PDLIM5: variants seen among roughly 807,000 people sequenced by gnomAD.
The protein encoded by PDLIM5 is PDZ and LIM domain protein 5.
PDLIM5 carries 34 observed loss-of-function variants against 64.2 expected under a neutral mutation model. That is an observed-to-expected ratio of 0.53 (90% CI 0.40 to 0.71). PDLIM5 has a LOEUF of 0.71. Ranked by LOEUF, PDLIM5 falls within the 30% of genes least tolerant of loss-of-function variation. PDLIM5 has a pLI of 0.00. For synonymous variants in PDLIM5, 253 were observed against 269.1 expected, an observed-to-expected ratio of 0.94 and a Z score of 0.59; for missense variants, 683 against 733.6, an observed-to-expected ratio of 0.93 and a Z score of 0.80.
rs372012549 is a variant in PDLIM5 at position 94,664,101 on chromosome 4, A to G, written c.*34A>G. 2.0e-5 allele frequency: 30 copies of G among 1,485,552 alleles called. No homozygotes were observed. In the African/African-American group the frequency reaches 4.0e-4, roughly 20 times the overall value. The allele number at this position is 1,485,552 out of a possible 1,614,324, so 92.0% of individuals were successfully genotyped here. ...AGTTCAGGAGAAGAGAAGGAATTTG[A>G]AGAGAAAAAGGAAAATTAAAATTAC... On this transcript the variant is annotated 3_prime_UTR_variant, in exon 13 of 13. Coordinates refer to ENST00000317968, the MANE Select transcript of PDLIM5 (RefSeq NM_006457.5).
chr4:94,502,043 T>C (rs1727974206), intron 2 of PDLIM5, among the ~76,000 whole-genome samples: 1 of 152,152 alleles, frequency 6.6e-6, no homozygotes, highest in African/African-American at 2.4e-5. Flanking sequence ...GTTTCCTTCT[T>C]TTTCTTCATT....
chr4:94,654,588 A>C lies in PDLIM5; in HGVS notation c.1412A>C (p.Tyr471Ser). 1.9e-6 allele frequency: 3 copies of C among 1,613,046 alleles called. No individual in the cohort carries two copies. Among genetic ancestry groups the C allele is most frequent in the Non-Finnish European group, 2.5e-6 (3 of 1,178,998 alleles). Residue 471 changes from tyrosine (Y) to serine (S), a missense_variant, in exon 10 of 13, where the codon TAT becomes TCT. Coordinates refer to ENST00000317968, the MANE Select transcript of PDLIM5 (RefSeq NM_006457.5). ...EKGALYCELCYEKFFAPECGR... is the reference protein window; with the variant it reads ...EKGALYCELCSEKFFAPECGR... ...GGAGCCCTGTATTGTGAGCTGTGCT[A>C]TGAGAAATTCTTTGCCCCTGAATGT...
intron 3 of PDLIM5, among the ~76,000 whole-genome samples, chr4:94,538,895 A>G (rs1203557513): frequency 1.3e-5 from 2 of 152,192 alleles, no homozygotes; most frequent in Non-Finnish European, 2.9e-5. Flanking sequence ...TGTTGATGTA[A>G]TGACAGATTG....
intron 2 of PDLIM5, among the ~76,000 whole-genome samples, chr4:94,467,529 G>C (rs1450890248): frequency 2.6e-5 from 4 of 152,020 alleles, no homozygotes; most frequent in African/African-American, 9.7e-5. Context: ...GGCCAGGCTG[G>C]TCTTGAACTC....
intron 3 of PDLIM5, among the ~76,000 whole-genome samples, chr4:94,532,402 G>A (rs1010385654): frequency 6.6e-6 from 1 of 152,188 alleles, no homozygotes. Context: ...GGTGAGCAAA[G>A]GCAGCCGCCT....
intron 7 of PDLIM5, chr4:94,611,324 A>G (rs1363779126): frequency 2.7e-6 from 2 of 728,724 alleles, no homozygotes; most frequent in Non-Finnish European, 4.4e-6. Flanking sequence ...TTTGTGCCCA[A>G]TTTTGAATGA....
Position 94,618,025 on chromosome 4 carries a change from G to T in PDLIM5, c.942G>T (p.Pro314=), listed in dbSNP as rs139902919. The change falls in exon 8 of 13, where the codon CCG becomes CCT. Residue 314 remains proline, a synonymous_variant. Coordinates refer to ENST00000317968, the MANE Select transcript of PDLIM5 (RefSeq NM_006457.5). The stretch of plus-strand genomic sequence containing the variant: ...ACAGTAACTCTCAGGAGCCTTCTCC[G>T]CAGTTGGCTTCCTCGGTAGCTTCCA... The part of the protein sequence containing the change: ...KKANNSQEPS[P]QLASSVASTR... 10 of 1,577,324 alleles carry T rather than the reference G, an allele frequency of 6.3e-6. No individual in the cohort carries two copies. The highest frequency in any genetic ancestry group is 1.8e-5 in the Admixed American group (1 of 54,500).
intron 3 of PDLIM5, among the ~76,000 whole-genome samples, chr4:94,541,225 T>C (rs1340103704): frequency 6.6e-6 from 1 of 152,096 alleles, no homozygotes; most frequent in Non-Finnish European, 1.5e-5. Context: ...TGTCTTGGCC[T>C]TAGGAAAAAA....
At position 94,593,501 on chromosome 4, in the gene PDLIM5, G is replaced by T. The variant is rs149411012; in HGVS notation, c.920+7057G>T. 6.7e-3 allele frequency among the ~76,000 whole-genome samples: 1,026 copies of T among 152,156 alleles called. 9 individuals carry two copies. The highest frequency in any genetic ancestry group is 0.023 in the African/African-American group (959 of 41,492). Reference sequence around the variant, plus strand: ...CTGTCTCACTGTGTCTCCTCACATGGCTTTTTCTCTGTGGGGGCACAGAGA... The same window carrying T: ...CTGTCTCACTGTGTCTCCTCACATGTCTTTTTCTCTGTGGGGGCACAGAGA... On this transcript the variant is annotated intron_variant, in intron 7 of 12. Coordinates refer to ENST00000317968, the MANE Select transcript of PDLIM5 (RefSeq NM_006457.5).
chr4:94,626,674 T>C (rs767825070), intron 8 of PDLIM5, among the ~76,000 whole-genome samples: 21 of 152,166 alleles, frequency 1.4e-4, no homozygotes, highest in Non-Finnish European at 2.6e-4. Flanking sequence ...AATGTGTTTT[T>C]CTTTTTTTTT....
chr4:94,586,808 G>A (rs1322226652), intron 7 of PDLIM5, among the ~76,000 whole-genome samples: 2 of 152,012 alleles, frequency 1.3e-5, no homozygotes, highest in Non-Finnish European at 2.9e-5. Flanking sequence ...TGGATTAATT[G>A]CTATATTTCT....
chr4:94,659,577 G>A (rs989717112), intron 11 of PDLIM5, among the ~76,000 whole-genome samples: 10 of 151,422 alleles, frequency 6.6e-5, no homozygotes, highest in Non-Finnish European at 1.0e-4. Context: ...GCCCAGGCTG[G>A]AGTGCAGTGG....
chr4:94,636,827 G>A (rs1214415354), intron 8 of PDLIM5, among the ~76,000 whole-genome samples: 7 of 152,112 alleles, frequency 4.6e-5, no homozygotes, highest in South Asian at 2.1e-4. Flanking sequence ...GAGCCACCGC[G>A]CCGGGCCACT....
Position 94,585,725 on chromosome 4 carries a change from G to A in PDLIM5, c.871G>A (p.Gly291Arg), listed in dbSNP as rs765146597. The change falls in exon 6 of 13, where the codon GGG becomes AGG. Residue 291 changes from glycine to arginine, a missense_variant. Physicochemically the swap from Gly to Arg is moderately radical, Grantham distance 125. Transcript: ENST00000317968. The part of the protein sequence containing the change: ...RSFRILAQIT[G>R]TEHLKESEAD... The stretch of plus-strand genomic sequence containing the variant: ...TTTCCGAATCCTTGCCCAGATCACT[G>A]GGACTGAACATTGTAAGTGAACTTC... 1 of 1,613,176 alleles carries A rather than the reference G, an allele frequency of 6.2e-7. No individual in the cohort carries two copies. The highest frequency in any genetic ancestry group is 8.5e-7 in the Non-Finnish European group (1 of 1,179,416).
intron 8 of PDLIM5, among the ~76,000 whole-genome samples, chr4:94,618,920 A>G (rs534117022): frequency 1.3e-5 from 2 of 152,326 alleles, no homozygotes; most frequent in South Asian, 4.1e-4. Context: ...TCTCAGACTC[A>G]GCCTTCATCT....
chr4:94,514,431 G>T (rs967680337), intron 2 of PDLIM5, among the ~76,000 whole-genome samples: 1 of 152,096 alleles, frequency 6.6e-6, no homozygotes, highest in Non-Finnish European at 1.5e-5. Context: ...ACTTCGCCTG[G>T]CCTCGGTTTG....
chr4:94,479,866 G>A (rs367808922), intron 2 of PDLIM5, among the ~76,000 whole-genome samples: 7 of 152,140 alleles, frequency 4.6e-5, no homozygotes, highest in African/African-American at 1.7e-4. Context: ...AAGTATACTG[G>A]CAAAAGTTGA....
intron 2 of PDLIM5, among the ~76,000 whole-genome samples, chr4:94,497,584 A>G (rs1011109476): frequency 6.6e-6 from 1 of 152,128 alleles, no homozygotes; most frequent in Non-Finnish European, 1.5e-5. Context: ...TTGCTATTGG[A>G]GAGATAAAGG....
chr4:94,497,970 A>AG (rs1161212880), intron 2 of PDLIM5, among the ~76,000 whole-genome samples: 4 of 144,612 alleles, frequency 2.8e-5, no homozygotes, highest in African/African-American at 9.7e-5. Flanking sequence ...GTGTCCTGAG[A>AG]GGAAAAACTA....
Sources: gnomAD v4.1 joint callset for allele counts (sites outside exome capture counted in the v4.1 genomes callset) on GRCh38, gnomAD v4.1.1 for gene constraint, MANE v1.5 for transcripts, NCBI Gene and HGNC (gene_info 2026-07-23, HGNC 2026-07-21) for gene names.